Variants in DIP2C observed in about 807,000 individuals in gnomAD.
DIP2C encodes the protein disco-interacting protein 2 homolog C.
DIP2C carries 33 observed loss-of-function variants against 192.4 expected under a neutral mutation model. The observed-to-expected ratio is 0.17, with a 90% confidence interval of 0.13 to 0.23. The LOEUF (loss-of-function observed/expected upper bound fraction) is 0.23, where lower values mean the gene tolerates loss of function less well. Ranked by LOEUF, DIP2C falls within the 10% of genes least tolerant of loss-of-function variation. The pLI is 1.00. For missense variants in DIP2C, 1,537 were observed against 2,110.1 expected (o/e 0.73, Z 5.32); for synonymous variants, 979 against 864.1 (o/e 1.13, Z -2.33).
At chr10:424,338 A>G (rs918424628) in intron 4 of DIP2C, among the ~76,000 whole-genome samples, 1 of 146,496 alleles carries the variant, frequency 6.8e-6, no homozygotes, top group Admixed American at 6.8e-5. Flanking sequence ...GAGCCTGAAA[A>G]TTCTCTATCA....
intron 1 of DIP2C, among the ~76,000 whole-genome samples, chr10:573,342 C>G (rs986473923): frequency 2.0e-5 from 3 of 152,172 alleles, no homozygotes; most frequent in Non-Finnish European, 4.4e-5. Flanking sequence ...TAATAAAAGA[C>G]AAACATAACT....
At position 666,563 on chromosome 10, in the gene DIP2C, AC is replaced by A. The variant is rs1312827400; in HGVS notation, c.85+22930del. 1.3e-5 allele frequency: 2 copies of A among 150,494 alleles called. No individual in the cohort carries two copies. Among genetic ancestry groups the A allele is most frequent in the Admixed American group, 1.3e-4 (2 of 15,194 alleles). 9.3% of individuals were successfully genotyped at this position (150,494 alleles called of 1,614,324 possible). On this transcript the variant is annotated intron_variant, in intron 1 of 36. Coordinates refer to ENST00000280886, the MANE Select transcript of DIP2C (RefSeq NM_014974.3). This position sits in a 1 kb window ranked among gnomAD's most constrained non-coding sequence, Gnocchi z 4.1. Reference sequence around the variant, plus strand: ...GGTTTCTGCACACAGGTAACATAGAACTGGGGGTAAGCAAAGCCACGAGGTC... The same window carrying A: ...GGTTTCTGCACACAGGTAACATAGAATGGGGGTAAGCAAAGCCACGAGGTC...
chr10:357,334 G>T (rs1175586065), intron 23 of DIP2C, among the ~76,000 whole-genome samples: 1 of 152,200 alleles, frequency 6.6e-6, no homozygotes, highest in Non-Finnish European at 1.5e-5. Flanking sequence ...GCTTCTTAGA[G>T]TCCACAGAGC....
intron 10 of DIP2C, among the ~76,000 whole-genome samples, chr10:392,899 C>G (rs1026985570): frequency 6.6e-6 from 1 of 151,274 alleles, no homozygotes; most frequent in Non-Finnish European, 1.5e-5. Flanking sequence ...TGCCCACACA[C>G]AGGCGCGCAC....
chr10:358,808 C>CGGGGGATTGGAGGGGGCA (rs1959188631), intron 22 of DIP2C, among the ~76,000 whole-genome samples: 1 of 13,706 alleles, frequency 7.3e-5, no homozygotes, highest in African/African-American at 3.2e-4. Context: ...AGGTGGGGGA[C>CGGGGGATTGGAGGGGGCA]GGGGGATTGG....
chr10:409,764 A>G (rs1416424836), intron 8 of DIP2C, among the ~76,000 whole-genome samples: 1 of 152,198 alleles, frequency 6.6e-6, no homozygotes, highest in Non-Finnish European at 1.5e-5. Context: ...AAACTTTCCT[A>G]ACCTCAGGGT....
chr10:411,314 T>C (rs4880654), intron 8 of DIP2C, among the ~76,000 whole-genome samples: 149,952 of 152,332 alleles, frequency 0.98, 73,842 homozygotes, highest in Middle Eastern at 1. Flanking sequence ...AGAGCTGCTG[T>C]GAGGCAGGAC....
chr10:485,223 G>A (rs1446458163), intron 2 of DIP2C, among the ~76,000 whole-genome samples: 1 of 152,240 alleles, frequency 6.6e-6, no homozygotes, highest in East Asian at 1.9e-4. Flanking sequence ...GTGGCCTACA[G>A]TCAGACCCCA....
At chr10:441,724 T>G (rs956661437) in intron 3 of DIP2C, among the ~76,000 whole-genome samples, 4 of 152,222 alleles carry the variant, frequency 2.6e-5, no homozygotes, top group Admixed American at 2.6e-4. Flanking sequence ...CAATTAAACC[T>G]TTTTATTCCC....
chr10:566,678 C>T (rs1329378866), intron 1 of DIP2C, among the ~76,000 whole-genome samples: 1 of 152,250 alleles, frequency 6.6e-6, no homozygotes, highest in Admixed American at 6.5e-5. Context: ...TTGGGTCTCT[C>T]GCCATGGAGG....
chr10:375,943 GAAGA>G (rs1245736592), intron 17 of DIP2C, among the ~76,000 whole-genome samples: 10 of 152,242 alleles, frequency 6.6e-5, no homozygotes, highest in Middle Eastern at 3.4e-3. Flanking sequence ...CACATTTAGA[GAAGA>G]AAGAGTTAAG....
In DIP2C at chr10:682,273, G is replaced by A. The variant is rs565642234; in HGVS notation, c.85+7221C>T. 8.5e-5 allele frequency among the ~76,000 whole-genome samples: 13 copies of A among 152,338 alleles called. 1 individual carries two copies. The South Asian group carries it at 1.2e-3, about 15-fold the overall frequency. On this transcript the variant is annotated intron_variant, in intron 1 of 36. Transcript: ENST00000280886. ...CCCCAGCCCTGACCTTGCAACACCA[G>A]TGAACCCCAGGGGAGCCCCAAGTGC...
At chr10:393,904 G>C (rs902341191) in intron 10 of DIP2C, among the ~76,000 whole-genome samples, 1 of 150,928 alleles carries the variant, frequency 6.6e-6, no homozygotes, top group Admixed American at 6.6e-5. Context: ...ATCAAAAAGA[G>C]GAAAAATACC....
chr10:278,103 T>A (rs1954614885), intron 36 of DIP2C, among the ~76,000 whole-genome samples: 2 of 150,456 alleles, frequency 1.3e-5, no homozygotes. Context: ...GGGCCATGCG[T>A]GTGGACGCCG....
intron 1 of DIP2C, among the ~76,000 whole-genome samples, chr10:504,679 G>A (rs816592): frequency 0.023 from 3,551 of 152,322 alleles, 135 homozygotes; most frequent in African/African-American, 0.08. Context: ...GTGTTCCCAT[G>A]TTCTGTCACT....
At chr10:386,531 CAGT>C (rs767011624) in intron 14 of DIP2C, among the ~76,000 whole-genome samples, 2 of 152,062 alleles carry the variant, frequency 1.3e-5, no homozygotes, top group African/African-American at 2.4e-5. Context: ...CACCAGCACA[CAGT>C]GGTGCTGGGA....
chr10:316,658 G>A (rs987291778), intron 31 of DIP2C, among the ~76,000 whole-genome samples: 10 of 152,152 alleles, frequency 6.6e-5, no homozygotes, highest in African/African-American at 9.7e-5. Context: ...GGCCACCCTC[G>A]AGCGGGAGCC....
intron 1 of DIP2C, among the ~76,000 whole-genome samples, chr10:498,156 G>A (rs190545423): frequency 6.6e-6 from 1 of 152,300 alleles, no homozygotes; most frequent in East Asian, 1.9e-4. Context: ...ATGAGCCACT[G>A]AATCCAGCCT....
chr10:676,578 G>A (rs1455759707), intron 1 of DIP2C, among the ~76,000 whole-genome samples: 1 of 150,598 alleles, frequency 6.6e-6, no homozygotes, highest in East Asian at 1.9e-4. Flanking sequence ...AATACAAAAT[G>A]AACATATAAA....
Sources: allele counts gnomAD v4.1 joint callset (sites outside exome capture counted in the v4.1 genomes callset), GRCh38; gene constraint gnomAD v4.1.1; non-coding constraint Gnocchi (gnomAD v3.1); transcripts MANE v1.5; gene names NCBI Gene and HGNC (gene_info 2026-07-23, HGNC 2026-07-21).